Variants in KLHDC4 observed in about 807,000 individuals in gnomAD.
The protein encoded by KLHDC4 is kelch domain-containing protein 4.
KLHDC4 carries 90 observed loss-of-function variants against 62.4 expected under a neutral mutation model. That is an observed-to-expected ratio of 1.44 (90% CI 1.22 to 1.72). The LOEUF is 1.72. Among genes scored for constraint, KLHDC4 ranks in the 40% most tolerant of loss-of-function variants. The pLI, the probability that KLHDC4 is intolerant of heterozygous loss-of-function variation, is 0.00. For missense variants in KLHDC4, 1,025 were observed against 699.7 expected, an observed-to-expected ratio of 1.47 and a Z score of -5.25; for synonymous variants, 386 against 284.4, an observed-to-expected ratio of 1.36 and a Z score of -3.59.
exon 1 of KLHDC4, chr16:87,702,361 G>A: frequency 2.3e-6 from 1 of 441,794 alleles, no homozygotes; most frequent in Non-Finnish European, 4.6e-6. Context: ...GAGGGTGCAG[G>A]GGCAGGGGGG....
intron 10 of KLHDC4, 107 bp downstream of exon 10, chr16:87,709,158 G>T: frequency 1.4e-6 from 2 of 1,398,348 alleles, no homozygotes; most frequent in Non-Finnish European, 1.9e-6. Flanking sequence ...GAGAAGTGTC[G>T]GCACAGGCCG....
rs150189132 is a variant in KLHDC4, at chr16:87,709,592, C to G, written c.1120G>C (p.Gly374Arg). The G allele has an allele frequency of 4.3e-5, 70 of 1,612,650 alleles. No homozygotes were observed. The highest frequency in any genetic ancestry group is 1.2e-4 in the Admixed American group (7 of 59,928). Residue 374 changes from glycine to arginine, a missense_variant, in exon 10 of 12, where the codon GGG (glycine) becomes CGG (arginine). Transcript: ENST00000270583. ...ACAGGCCCCTGGGTGCCAGCTCCCCCACACGCCGGCCTGCTACCACCTTCG... is the reference window on the plus strand; with the variant it reads ...ACAGGCCCCTGGGTGCCAGCTCCCCGACACGCCGGCCTGCTACCACCTTCG... ...EPEGGSRPAC[G>R]GAGTQGPVQL...
intron 7 of KLHDC4, among the ~76,000 whole-genome samples, chr16:87,719,947 C>T (rs1347933082): frequency 6.6e-6 from 1 of 152,214 alleles, no homozygotes; most frequent in Non-Finnish European, 1.5e-5. Context: ...CCCCCACCTC[C>T]CGCACAATGT....
Position 87,723,486 on chromosome 16 carries a change from T to C in KLHDC4, c.759+3279A>G, listed in dbSNP as rs571171060. 3.3e-5 allele frequency among the ~76,000 whole-genome samples: 5 copies of C among 152,390 alleles called. No individual in the cohort carries two copies. The South Asian group carries it at 1.0e-3, about 32-fold the overall frequency. ...CTGCTGCACTCTACGACACATCTGC[T>C]GGGAGAAAGCACTAGACCGGGGCAT... On this transcript the variant is annotated intron_variant, in intron 7 of 11. Coordinates refer to ENST00000270583, the MANE Select transcript of KLHDC4 (RefSeq NM_017566.4).
intron 11 of KLHDC4, 71 bp downstream of exon 11, chr16:87,708,279 A>T: frequency 9.6e-7 from 1 of 1,041,080 alleles, no homozygotes; most frequent in South Asian, 1.5e-5. Flanking sequence ...TCCAATAAGC[A>T]TCCGATAAAC....
intron 5 of KLHDC4, among the ~76,000 whole-genome samples, chr16:87,743,672 G>A (rs568137147): frequency 1.8e-4 from 27 of 151,702 alleles, no homozygotes; most frequent in African/African-American, 2.7e-4. Flanking sequence ...CCCAGGAGGC[G>A]GAGCTTGCAG....
At chr16:87,699,443 C>G (rs1279720663) in exon 1 of KLHDC4, 3 of 152,286 alleles carry the variant, frequency 2.0e-5, no homozygotes, top group Non-Finnish European at 4.4e-5. Context: ...CCTGTAATCC[C>G]AGCACTTTGG....
At chr16:87,723,384 G>A (rs1454992040) in intron 7 of KLHDC4, among the ~76,000 whole-genome samples, 1 of 152,258 alleles carries the variant, frequency 6.6e-6, no homozygotes, top group Non-Finnish European at 1.5e-5. Context: ...GCACGTGGCT[G>A]CAGACAGCAG....
At chr16:87,762,166 T>C in intron 1 of KLHDC4, 126 bp from the exon 2 acceptor site, 1 of 1,496,362 alleles carries the variant, frequency 6.7e-7, no homozygotes, top group Non-Finnish European at 8.9e-7. Context: ...AATTGCAACA[T>C]ACTGTGCCTG....
Position 87,709,619 on chromosome 16 carries a change from GCTC to G in KLHDC4, c.1090_1092del (p.Glu364del). On this transcript the variant is annotated inframe_deletion, in exon 10 of 12. Coordinates refer to ENST00000270583, the MANE Select transcript of KLHDC4 (RefSeq NM_017566.4). ...CACGCCGGCCTGCTACCACCTTCGG[GCTC>G]CTCTTTTCTGCCCCGCCTGCGTTTC... is the stretch of plus-strand genomic sequence containing the variant. 3 of 1,609,506 alleles carry G rather than the reference GCTC, an allele frequency of 1.9e-6. No individual in the cohort carries two copies. Among genetic ancestry groups the G allele is most frequent in the Non-Finnish European group, 2.5e-6 (3 of 1,178,060 alleles).
In KLHDC4 at chr16:87,747,934, G is replaced by A. The variant is rs191513469; in HGVS notation, c.506+739C>T. Among the ~76,000 whole-genome samples the A allele has an allele frequency of 9.1e-4, 139 of 152,348 alleles. 1 individual carries two copies. Among genetic ancestry groups the A allele is most frequent in the Middle Eastern group, 3.4e-3 (1 of 294 alleles). On this transcript the variant is annotated intron_variant, in intron 5 of 11. Coordinates refer to ENST00000270583, the MANE Select transcript of KLHDC4 (RefSeq NM_017566.4). ...GAAGCAAGGGCACTTCCGCTCTGCT[G>A]CTTTAATGGCAGAGAGATGGTGTGC...
intron 8 of KLHDC4, among the ~76,000 whole-genome samples, chr16:87,714,220 G>C (rs953251767): frequency 6.6e-6 from 1 of 152,202 alleles, no homozygotes; most frequent in Non-Finnish European, 1.5e-5. Flanking sequence ...GGGGCACTGT[G>C]CTCACTGCTC....
At chr16:87,737,492 G>A (rs906433916) in intron 5 of KLHDC4, among the ~76,000 whole-genome samples, 2 of 152,060 alleles carry the variant, frequency 1.3e-5, no homozygotes, top group East Asian at 1.9e-4. Context: ...GAAAGCTGAG[G>A]CAAGAGAATC....
At chr16:87,726,731 C>G in intron 7 of KLHDC4, 34 bp downstream of exon 7, 1 of 1,499,294 alleles carries the variant, frequency 6.7e-7, no homozygotes, top group Non-Finnish European at 8.9e-7. Flanking sequence ...TTCCCGGTCC[C>G]ACGCCTTGCC....
At chr16:87,736,511 G>T (rs929701506) in intron 5 of KLHDC4, among the ~76,000 whole-genome samples, 1 of 152,134 alleles carries the variant, frequency 6.6e-6, no homozygotes, top group Non-Finnish European at 1.5e-5. Flanking sequence ...GCACAGCCAG[G>T]GAGAGCCGTG....
At chr16:87,730,706 G>A (rs1003791737) in intron 5 of KLHDC4, 62 bp from the exon 6 acceptor site, 15 of 1,431,498 alleles carry the variant, frequency 1.0e-5, no homozygotes, top group Non-Finnish European at 1.4e-5. Context: ...TTCTAAAGAC[G>A]ACAACAACAA....
At chr16:87,753,787 G>C (rs370740102) in intron 4 of KLHDC4, among the ~76,000 whole-genome samples, 1 of 145,878 alleles carries the variant, frequency 6.9e-6, no homozygotes, top group South Asian at 2.2e-4. Flanking sequence ...GGCAACAAGA[G>C]AGAGACTCCA....
downstream of KLHDC4, among the ~76,000 whole-genome samples, chr16:87,703,623 G>C (rs74039480): frequency 0.041 from 6,225 of 152,292 alleles, 444 homozygotes; most frequent in African/African-American, 0.14. Flanking sequence ...AGTGAAGCCT[G>C]AGTCCAGCCT....
At chr16:87,709,188 G>C in intron 10 of KLHDC4, 77 bp downstream of exon 10, 1 of 1,525,746 alleles carries the variant, frequency 6.6e-7, no homozygotes, top group South Asian at 1.2e-5. Flanking sequence ...AGCTTGCAGG[G>C]CTTGCTTTCG....
Sources: gnomAD v4.1 joint callset for allele counts (sites outside exome capture counted in the v4.1 genomes callset) on GRCh38, gnomAD v4.1.1 for gene constraint, MANE v1.5 for transcripts, NCBI Gene and HGNC (gene_info 2026-07-23, HGNC 2026-07-21) for gene names.